Variants in PJA2 observed in about 807,000 individuals in gnomAD.
The protein encoded by PJA2 is E3 ubiquitin-protein ligase Praja-2.
A neutral mutation model predicts 69.3 loss-of-function variants in PJA2; 25 were observed. The observed-to-expected ratio is 0.36, with a 90% CI of 0.26 to 0.50. The LOEUF (loss-of-function observed/expected upper bound fraction) is 0.50, where lower values mean the gene tolerates loss of function less well. Ranked by LOEUF, PJA2 falls within the 20% of genes least tolerant of loss-of-function variation. The probability of loss-of-function intolerance (pLI) is 0.96; values close to 1 mark genes in which losing one functional copy is unlikely to be tolerated. For missense variants in PJA2, 809 were observed against 830.2 expected (o/e 0.97, Z 0.31); for synonymous variants, 308 against 277.8 (o/e 1.11, Z -1.08).
chr5:109,377,034 A>C (rs891793010), intron 4 of PJA2, among the ~76,000 whole-genome samples: 2 of 152,146 alleles, frequency 1.3e-5, no homozygotes, highest in African/African-American at 2.4e-5. Flanking sequence ...ACTGAAAAAA[A>C]CTTTACCTTT....
rs35217352 is a variant in PJA2, at chr5:109,380,086, C to CTTTT, written c.233-836_233-833dup. 6.6e-4 allele frequency among the ~76,000 whole-genome samples: 49 copies of CTTTT among 74,220 alleles called. 1 individual carries two copies. The highest frequency in any genetic ancestry group is 1.0e-3 in the Non-Finnish European group (40 of 38,544). The allele number at this position is 74,220 out of a possible 152,430, so 48.7% of individuals were successfully genotyped here. On this transcript the variant is annotated intron_variant, in intron 3 of 9. Coordinates refer to ENST00000361189, the MANE Select transcript of PJA2 (RefSeq NM_014819.5). ...TCTTTGATATATGGTACGAAGGGTT[C>CTTTT]TTTTTTTTTTTTTTTTTTTTTTTTT...
rs1761927286 is a variant in PJA2 at position 109,335,708 on chromosome 5, A to C, written c.*1523T>G. Reference sequence around the variant, plus strand: ...AGATCACAGAGTAGAAAACAAGCAAAGATTAGTTTATACAACAGTGACTAT... The same window carrying C: ...AGATCACAGAGTAGAAAACAAGCAACGATTAGTTTATACAACAGTGACTAT... On this transcript the variant is annotated 3_prime_UTR_variant, in exon 10 of 10. Transcript: ENST00000361189. The C allele has an allele frequency of 6.6e-6, 1 of 152,662 alleles. No homozygotes were observed. Among genetic ancestry groups the C allele is most frequent in the East Asian group, 1.9e-4 (1 of 5,186 alleles). The allele number at this position is 152,662 out of a possible 1,614,324, so 9.5% of individuals were successfully genotyped here. A position where few individuals can be genotyped will look rare whatever the true frequency, so the allele number is the denominator to read the frequency against.
chr5:109,364,900 A>G (rs905003410), intron 5 of PJA2, among the ~76,000 whole-genome samples: 7 of 152,220 alleles, frequency 4.6e-5, no homozygotes, highest in Non-Finnish European at 1.0e-4. Flanking sequence ...TGCCTCATTT[A>G]TAATAAGCAA....
At position 109,404,794 on chromosome 5, in the gene PJA2, G is replaced by C. The variant is rs566183248; in HGVS notation, c.-88+5048C>G. Among the ~76,000 whole-genome samples, 5 of 152,256 alleles carry C rather than the reference G, an allele frequency of 3.3e-5. No homozygotes were observed. The South Asian group carries it at 1.0e-3, about 32-fold the overall frequency. On this transcript the variant is annotated intron_variant, in intron 1 of 9. Transcript: ENST00000361189. ...AATGGGGATTATGTTTCAATGCTAT[G>C]AATTTTGGAAGGGACATAAGCATTC... is the stretch of plus-strand genomic sequence containing the variant.
chr5:109,365,972 T>C (rs1301231953), intron 5 of PJA2, among the ~76,000 whole-genome samples: 1 of 152,202 alleles, frequency 6.6e-6, no homozygotes, highest in Non-Finnish European at 1.5e-5. Context: ...TCTATTGGTG[T>C]CTATCTAGAC....
At chr5:109,383,733 G>A (rs1305062772) in intron 1 of PJA2, among the ~76,000 whole-genome samples, 1 of 152,118 alleles carries the variant, frequency 6.6e-6, no homozygotes. Flanking sequence ...AGGAATTCGA[G>A]AACAACCTGG....
chr5:109,341,277 C>T (rs1355086110), intron 9 of PJA2, among the ~76,000 whole-genome samples: 44 of 149,062 alleles, frequency 3.0e-4, no homozygotes, highest in African/African-American at 9.1e-4. Flanking sequence ...ATGTGGGGAG[C>T]GCCTCTGCCC....
At chr5:109,346,746 G>A (rs1427306198) in intron 7 of PJA2, among the ~76,000 whole-genome samples, 1 of 152,158 alleles carries the variant, frequency 6.6e-6, no homozygotes, top group Non-Finnish European at 1.5e-5. Context: ...GTTGCCAGGG[G>A]CTGGAAAGAT....
intron 6 of PJA2, among the ~76,000 whole-genome samples, chr5:109,361,317 G>T (rs1413849036): frequency 1.3e-5 from 2 of 152,132 alleles, no homozygotes; most frequent in Admixed American, 1.3e-4. Flanking sequence ...TTTTATGGAG[G>T]ATGGGGAAGA....
intron 7 of PJA2, 144 bp downstream of exon 7, chr5:109,355,771 G>C: frequency 3.8e-6 from 2 of 526,822 alleles, no homozygotes; most frequent in Admixed American, 3.3e-5. Context: ...TGCACATACT[G>C]GTGACAATTA....
chr5:109,364,152 AAAC>A (rs755266840), intron 5 of PJA2, among the ~76,000 whole-genome samples: 27 of 152,144 alleles, frequency 1.8e-4, no homozygotes, highest in Admixed American at 4.6e-4. Flanking sequence ...CAAAAAACAA[AAAC>A]AAAAAAGGAC....
intron 3 of PJA2, among the ~76,000 whole-genome samples, chr5:109,380,263 A>G (rs981182339): frequency 2.0e-5 from 3 of 151,902 alleles, no homozygotes; most frequent in Non-Finnish European, 4.4e-5. Flanking sequence ...GACCCTAGCT[A>G]GTAATTCAGA....
chr5:109,385,963 T>C (rs1434581206), intron 1 of PJA2, among the ~76,000 whole-genome samples: 2 of 152,146 alleles, frequency 1.3e-5, no homozygotes, highest in East Asian at 3.9e-4. Context: ...ATAAAGCTTC[T>C]GTTAAGTACT....
chr5:109,342,225 A>C (rs1582580501), intron 9 of PJA2, among the ~76,000 whole-genome samples: 1 of 50,760 alleles, frequency 2.0e-5, no homozygotes. Flanking sequence ...CCGCCCGGCC[A>C]GCCGCCCTGT....
At position 109,378,176 on chromosome 5, in the gene PJA2, T is replaced by C. The variant is rs781779843; in HGVS notation, c.1283+28A>G. 47 of 1,520,488 alleles carry C rather than the reference T, an allele frequency of 3.1e-5. No individual in the cohort carries two copies. In the South Asian group the frequency reaches 5.6e-4, roughly 18 times the overall value. 94.2% of individuals were successfully genotyped at this position (1,520,488 alleles called of 1,614,324 possible). Reference sequence around the variant, plus strand: ...AGAAACCACTTCATTTACTACACAATCGGAAAAAGTACTGGATGTGACCTT... The same window carrying C: ...AGAAACCACTTCATTTACTACACAACCGGAAAAAGTACTGGATGTGACCTT... On this transcript the variant is annotated intron_variant, in intron 4 of 9. Coordinates refer to ENST00000361189, the MANE Select transcript of PJA2 (RefSeq NM_014819.5).
At chr5:109,405,902 C>T (rs551977138) in intron 1 of PJA2, among the ~76,000 whole-genome samples, 268 of 149,056 alleles carry the variant, frequency 1.8e-3, no homozygotes, top group Admixed American at 3.6e-3. Flanking sequence ...ATTAAAAGCT[C>T]TTCTTTTAAA....
intron 1 of PJA2, among the ~76,000 whole-genome samples, chr5:109,384,840 G>A (rs921635310): frequency 2.6e-5 from 4 of 151,522 alleles, no homozygotes; most frequent in African/African-American, 4.8e-5. Context: ...TTTTTTGAGG[G>A]CGAGTCTTGC....
intron 7 of PJA2, among the ~76,000 whole-genome samples, chr5:109,354,558 TA>T (rs1427769365): frequency 7.5e-6 from 1 of 134,118 alleles, no homozygotes; most frequent in African/African-American, 2.9e-5. Flanking sequence ...ATATCGATAT[TA>T]GATATCTATA....
Position 109,383,451 on chromosome 5 carries a change from T to C in PJA2, c.-18A>G, listed in dbSNP as rs187778354. Reference sequence around the variant, plus strand: ...TGTGACATATATGGCAGCGTCTGTGTGACCAGTTCAGTAGAATTATAGATG... The same window carrying C: ...TGTGACATATATGGCAGCGTCTGTGCGACCAGTTCAGTAGAATTATAGATG... On this transcript the variant is annotated 5_prime_UTR_variant, in exon 2 of 10. Transcript: ENST00000361189. 38 of 1,604,136 alleles carry C rather than the reference T, an allele frequency of 2.4e-5. 2 individuals are homozygous for C. In the South Asian group the frequency reaches 3.9e-4, roughly 16 times the overall value.
Sources: allele counts gnomAD v4.1 joint callset (sites outside exome capture counted in the v4.1 genomes callset), GRCh38; gene constraint gnomAD v4.1.1; transcripts MANE v1.5; gene names NCBI Gene and HGNC (gene_info 2026-07-23, HGNC 2026-07-21).